The following RSRP1 variants were observed in gnomAD, a reference collection of about 807,000 sequenced individuals.
The protein encoded by RSRP1 is arginine/serine-rich protein 1.
A neutral mutation model predicts 33.0 loss-of-function variants in RSRP1; 37 were observed. The observed-to-expected ratio is 1.12, with a 90% CI of 0.86 to 1.48. RSRP1 has a LOEUF of 1.48. Ranked by LOEUF, RSRP1 falls within the 40% of genes most tolerant of loss-of-function variation. The probability of loss-of-function intolerance (pLI) is 0.00; values close to 1 mark genes in which losing one functional copy is unlikely to be tolerated. For missense variants in RSRP1, 402 were observed against 385.3 expected, an observed-to-expected ratio of 1.04 and a Z score of -0.36; for synonymous variants, 167 against 158.7, an observed-to-expected ratio of 1.05 and a Z score of -0.40.
chr1:25,242,708 G>A lies in RSRP1; in HGVS notation c.757-3C>T. On this transcript the variant is annotated splice_region_variant and splice_polypyrimidine_tract_variant and intron_variant, in intron 4 of 4. Coordinates refer to ENST00000243189, the MANE Select transcript of RSRP1 (RefSeq NM_020317.5). ...TGTATTGGCTTTGCTACAGAATTCT[G>A]TAAAAGAACAAATTCAGTCAGCTTC... 1.9e-6 allele frequency: 3 copies of A among 1,580,620 alleles called. No homozygotes were observed. The highest frequency in any genetic ancestry group is 1.7e-6 in the Non-Finnish European group (2 of 1,162,010).
chr1:25,309,675 C>T (rs1644035623), intron 1 of RSRP1, among the ~76,000 whole-genome samples: 1 of 131,782 alleles, frequency 7.6e-6, no homozygotes, highest in African/African-American at 2.6e-5. Context: ...GACAGGCCTG[C>T]CTAGTTTGAA....
Position 25,269,747 on chromosome 1 carries a change from G to A in RSRP1, c.-66-22718C>T, listed in dbSNP as rs781734706. Among the ~76,000 whole-genome samples, 11 of 132,560 alleles carry A rather than the reference G, an allele frequency of 8.3e-5. 2 individuals are homozygous for A. Among genetic ancestry groups the A allele is most frequent in the Non-Finnish European group, 1.3e-4 (7 of 55,848 alleles). The allele number at this position is 132,560 out of a possible 152,430, so 87.0% of individuals were successfully genotyped here. A position where few individuals can be genotyped will look rare whatever the true frequency, so the allele number is the denominator to read the frequency against. ...TCTGCTTTTGACAAATCTGTTGGGA[G>A]AGGCCAACTGCAGGGATACCTCCCT... On this transcript the variant is annotated intron_variant, in intron 1 of 1. Coordinates refer to the RSRP1 transcript ENST00000561867.
chr1:25,245,313 A>G lies in RSRP1; in HGVS notation c.521-12T>C. On this transcript the variant is annotated splice_polypyrimidine_tract_variant and intron_variant, in intron 2 of 4. Transcript: ENST00000243189. ...CAGCTCCATTCGATCTAAAAAAAAAAGAGAGAGATTTTAAAATACTCATTA... is the reference window on the plus strand; with the variant it reads ...CAGCTCCATTCGATCTAAAAAAAAAGGAGAGAGATTTTAAAATACTCATTA... 1.3e-6 allele frequency: 2 copies of G among 1,597,580 alleles called. No individual in the cohort carries two copies. The highest frequency in any genetic ancestry group is 1.7e-6 in the Non-Finnish European group (2 of 1,169,954).
At position 25,288,069 on chromosome 1, in the gene RSRP1, G is replaced by T. The variant is rs1446955668; in HGVS notation, c.-66-41040C>A. On this transcript the variant is annotated intron_variant, in intron 1 of 1. Coordinates refer to the RSRP1 transcript ENST00000561867. Reference sequence around the variant, plus strand: ...GTCTCACTCTGTTGTCCAGGCTGGAGTGAAGTGGCATGTTCATGGCTCACT... The same window carrying T: ...GTCTCACTCTGTTGTCCAGGCTGGATTGAAGTGGCATGTTCATGGCTCACT... Among the ~76,000 whole-genome samples, 3 of 132,874 alleles carry T rather than the reference G, an allele frequency of 2.3e-5. 1 individual carries two copies. Among genetic ancestry groups the T allele is most frequent in the African/African-American group, 7.7e-5 (3 of 38,954 alleles). 87.2% of individuals were successfully genotyped at this position (132,874 alleles called of 152,430 possible).
intron 1 of RSRP1, among the ~76,000 whole-genome samples, chr1:25,282,079 C>G (rs1399174265): frequency 7.6e-6 from 1 of 131,656 alleles, no homozygotes; most frequent in East Asian, 1.9e-4. Flanking sequence ...TGAGCGTTCT[C>G]CATGTGCCAG....
rs1484809594 is a variant in RSRP1, at chr1:25,286,105, C to A, written c.-66-39076G>T. ...CAACTTTTTATTATAACCTTTTCCA[C>A]ATGCTCCAGAGTGCTCAGAACATGA... On this transcript the variant is annotated intron_variant, in intron 1 of 1. Transcript: ENST00000561867. Among the ~76,000 whole-genome samples, 2 of 135,338 alleles carry A rather than the reference C, an allele frequency of 1.5e-5. 1 individual carries two copies. The highest frequency in any genetic ancestry group is 3.5e-5 in the Non-Finnish European group (2 of 57,106). 88.8% of individuals were successfully genotyped at this position (135,338 alleles called of 152,430 possible).
Position 25,316,247 on chromosome 1 carries a change from A to G in RSRP1, c.-67+21731T>C, listed in dbSNP as rs1300035176. ...CAAGGGGTAGGGATGGGCAGGGGAGATGGGTCTGAAAGCCAAGCTCTACCC... is the reference window on the plus strand; with the variant it reads ...CAAGGGGTAGGGATGGGCAGGGGAGGTGGGTCTGAAAGCCAAGCTCTACCC... On this transcript the variant is annotated intron_variant, in intron 1 of 1. Transcript: ENST00000561867. Among the ~76,000 whole-genome samples, 2 of 129,464 alleles carry G rather than the reference A, an allele frequency of 1.5e-5. 1 individual carries two copies. Among genetic ancestry groups the G allele is most frequent in the African/African-American group, 5.3e-5 (2 of 37,622 alleles). The allele number at this position is 129,464 out of a possible 152,430, so 84.9% of individuals were successfully genotyped here.
chr1:25,311,450 G>A (rs146842230), intron 1 of RSRP1, among the ~76,000 whole-genome samples: 7,382 of 130,034 alleles, frequency 0.057, 1,437 homozygotes, highest in African/African-American at 0.17. Flanking sequence ...GCATGAACCC[G>A]GGAGGCAGAG....
intron 1 of RSRP1, chr1:25,337,413 G>A (rs1282614933): frequency 6.8e-6 from 1 of 146,782 alleles, no homozygotes; most frequent in Non-Finnish European, 1.5e-5. Context: ...CAAACTGACG[G>A]CTTCTAGAAG....
chr1:25,245,106 T>C (rs1461920496), intron 3 of RSRP1, 44 bp downstream of exon 3: 1 of 1,614,060 alleles, frequency 6.2e-7, no homozygotes, highest in Non-Finnish European at 8.5e-7. Context: ...GATTTGACAG[T>C]TGGCTTTCTG....
intron 1 of RSRP1, chr1:25,307,675 A>C (rs1346991076): frequency 1.5e-6 from 2 of 1,299,450 alleles, no homozygotes; most frequent in African/African-American, 2.9e-5. Flanking sequence ...GGCTGTAAAA[A>C]TGGCTGAAGC....
At chr1:25,329,240 T>TG (rs1453481903) in intron 1 of RSRP1, 1 of 481,252 alleles carries the variant, frequency 2.1e-6, no homozygotes, top group Non-Finnish European at 3.3e-6. Flanking sequence ...ATTCCTTGTT[T>TG]TTTTTTTTTT....
rs111772627 is a variant in RSRP1, at chr1:25,291,504, T to TGATA, written c.-66-44479_-66-44476dup. Among the ~76,000 whole-genome samples the TGATA allele has an allele frequency of 3.1e-5, 4 of 130,926 alleles. 2 individuals are homozygous for TGATA. The highest frequency in any genetic ancestry group is 7.2e-5 in the Non-Finnish European group (4 of 55,374). The allele number at this position is 130,926 out of a possible 152,430, so 85.9% of individuals were successfully genotyped here. ...ATAAAGAAAAAAGAAAAGAAAAGATTGATAGATAGATAGATATCCAAATGA... is the reference window on the plus strand; with the variant it reads ...ATAAAGAAAAAAGAAAAGAAAAGATTGATAGATAGATAGATAGATATCCAAATGA... On this transcript the variant is annotated intron_variant, in intron 1 of 1. Transcript: ENST00000561867.
chr1:25,323,898 A>G, intron 1 of RSRP1, among the ~76,000 whole-genome samples: 1 of 111,978 alleles, frequency 8.9e-6, no homozygotes, highest in Non-Finnish European at 2.0e-5. Context: ...TGCAGCTGTC[A>G]GCTCTTGGCT....
At position 25,316,687 on chromosome 1, in the gene RSRP1, G is replaced by T. The variant is rs559005799; in HGVS notation, c.-67+21291C>A. ...TGAGAGGTTGAGGGACTTGCCCAGG[G>T]TCTTGCAGCTAGTAAGTGACAGAGC... On this transcript the variant is annotated intron_variant, in intron 1 of 1. Transcript: ENST00000561867. 2.2e-4 allele frequency among the ~76,000 whole-genome samples: 27 copies of T among 125,390 alleles called. 7 individuals carry two copies. Among genetic ancestry groups the T allele is most frequent in the Non-Finnish European group, 4.6e-4 (24 of 52,706 alleles). 82.3% of individuals were successfully genotyped at this position (125,390 alleles called of 152,430 possible).
At chr1:25,272,091 G>A in intron 1 of RSRP1, among the ~76,000 whole-genome samples, 1 of 124,168 alleles carries the variant, frequency 8.1e-6, no homozygotes. Context: ...GAGCTCACTG[G>A]GTGCCCTCTC....
intron 1 of RSRP1, chr1:25,306,516 A>T: frequency 7.8e-7 from 1 of 1,275,504 alleles, no homozygotes; most frequent in Non-Finnish European, 1.1e-6. Flanking sequence ...GTGGCCCCGG[A>T]TACCAAGGGT....
chr1:25,331,345 T>G (rs1200341931), intron 1 of RSRP1, among the ~76,000 whole-genome samples: 2 of 131,260 alleles, frequency 1.5e-5, no homozygotes, highest in African/African-American at 5.2e-5. Context: ...TAACTATTAT[T>G]TCTTTAAAGC....
At chr1:25,266,692 T>C (rs1640321282) in intron 1 of RSRP1, 2 of 140,228 alleles carry the variant, frequency 1.4e-5, no homozygotes, top group Non-Finnish European at 3.3e-5. Context: ...TGCGTATCTC[T>C]TAATGACAAT....
Sources: gnomAD v4.1 joint callset for allele counts (sites outside exome capture counted in the v4.1 genomes callset) on GRCh38, gnomAD v4.1.1 for gene constraint, MANE v1.5 for transcripts, NCBI Gene and HGNC (gene_info 2026-07-23, HGNC 2026-07-21) for gene names.